Variants in VKORC1L1 observed in about 807,000 individuals in gnomAD.
VKORC1L1 encodes the protein vitamin K epoxide reductase complex subunit 1-like protein 1.
A neutral mutation model predicts 18.9 loss-of-function variants in VKORC1L1; 2 were observed. The observed-to-expected ratio is 0.11, with a 90% CI of 0.04 to 0.33. The LOEUF is 0.33. Ranked by LOEUF, VKORC1L1 falls within the 10% of genes least tolerant of loss-of-function variation. The probability of loss-of-function intolerance (pLI) is 1.00; values close to 1 mark genes in which losing one functional copy is unlikely to be tolerated. For missense variants in VKORC1L1, 123 were observed against 224.1 expected, an observed-to-expected ratio of 0.55 and a Z score of 2.88; for synonymous variants, 96 against 100.0, an observed-to-expected ratio of 0.96 and a Z score of 0.24.
intron 1 of VKORC1L1, among the ~76,000 whole-genome samples, chr7:65,916,097 C>T (rs952913188): frequency 3.4e-5 from 5 of 146,994 alleles, no homozygotes; most frequent in Admixed American, 6.9e-5. Context: ...GGCAGCAGAC[C>T]GTGACTCTGT....
At chr7:65,936,772 G>A (rs897220755) in intron 1 of VKORC1L1, among the ~76,000 whole-genome samples, 2 of 152,044 alleles carry the variant, frequency 1.3e-5, no homozygotes, top group African/African-American at 2.4e-5. Flanking sequence ...CACCCCTTTC[G>A]CTGTTTCTCT....
At chr7:65,910,653 A>T (rs1789487724) in intron 1 of VKORC1L1, among the ~76,000 whole-genome samples, 2 of 152,192 alleles carry the variant, frequency 1.3e-5, no homozygotes, top group Admixed American at 1.3e-4. Context: ...TTGTCAAGGT[A>T]CAATGAAAAG....
the VKORC1L1 span, among the ~76,000 whole-genome samples, chr7:65,868,029 T>A: frequency 6.6e-6 from 1 of 152,206 alleles, no homozygotes; most frequent in East Asian, 1.9e-4. Context: ...GCACTTTTAG[T>A]AGAGATAGGG....
intron 1 of VKORC1L1, 26 bp downstream of exon 1, chr7:65,873,591 G>C: frequency 6.7e-7 from 1 of 1,499,720 alleles, no homozygotes; most frequent in Non-Finnish European, 8.9e-7. Context: ...GAGTGGGCCA[G>C]GAGCGGCCGA....
chr7:65,951,560 C>T (rs746819618), intron 2 of VKORC1L1, among the ~76,000 whole-genome samples: 4 of 149,424 alleles, frequency 2.7e-5, no homozygotes, highest in Non-Finnish European at 5.9e-5. Flanking sequence ...GGTGACAGAG[C>T]GAGACTCCTT....
At chr7:65,917,180 T>C (rs1470710071) in intron 1 of VKORC1L1, among the ~76,000 whole-genome samples, 1 of 152,196 alleles carries the variant, frequency 6.6e-6, no homozygotes, top group Non-Finnish European at 1.5e-5. Flanking sequence ...CTTTTTTCTT[T>C]ATCTTCACAT....
rs533351202 is a variant in VKORC1L1 at position 65,954,774 on chromosome 7, A to T, written c.*474A>T. ...GATTTAAACATGTAGATTCAACTAG[A>T]ATCCATTTGTGATATTTGTAAATAA... is the stretch of plus-strand genomic sequence containing the variant. On this transcript the variant is annotated 3_prime_UTR_variant, in exon 3 of 3. Coordinates refer to ENST00000360768, the MANE Select transcript of VKORC1L1 (RefSeq NM_173517.6). 1 of 164,580 alleles carries T rather than the reference A, an allele frequency of 6.1e-6. No homozygotes were observed. Among genetic ancestry groups the T allele is most frequent in the South Asian group, 1.6e-4 (1 of 6,402 alleles). The allele number at this position is 164,580 out of a possible 1,614,324, so 10.2% of individuals were successfully genotyped here.
upstream of VKORC1L1, among the ~76,000 whole-genome samples, chr7:65,871,876 A>G (rs1788730436): frequency 6.6e-6 from 1 of 152,084 alleles, no homozygotes; most frequent in African/African-American, 2.4e-5. Context: ...ACTGTGAGGG[A>G]AAAAAAAGTT....
chr7:65,891,461 C>T (rs1458910608), intron 1 of VKORC1L1, among the ~76,000 whole-genome samples: 2 of 151,980 alleles, frequency 1.3e-5, no homozygotes, highest in African/African-American at 4.8e-5. Context: ...GTTTTTCGGC[C>T]ATTTGGATAT....
At chr7:65,901,073 G>A (rs955483759) in intron 1 of VKORC1L1, among the ~76,000 whole-genome samples, 4 of 152,160 alleles carry the variant, frequency 2.6e-5, no homozygotes, top group Non-Finnish European at 5.9e-5. Flanking sequence ...AATCAGAAAT[G>A]ATAATCAAAG....
chr7:65,907,817 A>T (rs957637281), intron 1 of VKORC1L1, among the ~76,000 whole-genome samples: 1 of 152,208 alleles, frequency 6.6e-6, no homozygotes, highest in Non-Finnish European at 1.5e-5. Flanking sequence ...GTTATTTCCA[A>T]TGACAGTTTT....
intron 1 of VKORC1L1, among the ~76,000 whole-genome samples, chr7:65,890,637 T>C (rs1333594592): frequency 6.6e-6 from 1 of 152,208 alleles, no homozygotes; most frequent in Admixed American, 6.5e-5. Flanking sequence ...CTATAAACAT[T>C]TTTGCATATC....
intron 1 of VKORC1L1, among the ~76,000 whole-genome samples, chr7:65,925,107 T>C (rs7795242): frequency 0.13 from 19,282 of 152,218 alleles, 1,380 homozygotes; most frequent in Middle Eastern, 0.21. Flanking sequence ...GCATTTCAGA[T>C]CCATCTAGAA....
intron 1 of VKORC1L1, among the ~76,000 whole-genome samples, chr7:65,877,438 C>T (rs1156400924): frequency 1.3e-5 from 2 of 151,900 alleles, no homozygotes; most frequent in East Asian, 1.9e-4. Context: ...ACCTCCACCT[C>T]CCGGGTTCAA....
chr7:65,942,718 G>A (rs924855161), intron 1 of VKORC1L1, among the ~76,000 whole-genome samples: 6 of 151,814 alleles, frequency 4.0e-5, no homozygotes, highest in Non-Finnish European at 7.4e-5. Flanking sequence ...TAGAGACGGG[G>A]TTTCGCCATG....
At chr7:65,897,864 C>A (rs1290941748) in intron 1 of VKORC1L1, among the ~76,000 whole-genome samples, 3 of 152,058 alleles carry the variant, frequency 2.0e-5, no homozygotes, top group Non-Finnish European at 4.4e-5. Flanking sequence ...CACACAATCA[C>A]ACATAAAGAA....
chr7:65,897,963 A>C (rs945726586), intron 1 of VKORC1L1, among the ~76,000 whole-genome samples: 1 of 152,000 alleles, frequency 6.6e-6, no homozygotes, highest in African/African-American at 2.4e-5. Context: ...TAAAAATAGC[A>C]TGAAGGTATT....
chr7:65,953,720 GC>G (rs1790249062), intron 2 of VKORC1L1, among the ~76,000 whole-genome samples: 1 of 152,176 alleles, frequency 6.6e-6, no homozygotes, highest in Non-Finnish European at 1.5e-5. Context: ...CAAAAAATCA[GC>G]CAGGCGTGGT....
intron 1 of VKORC1L1, among the ~76,000 whole-genome samples, chr7:65,918,392 T>G (rs1281864073): frequency 6.6e-6 from 1 of 152,246 alleles, no homozygotes; most frequent in Non-Finnish European, 1.5e-5. Context: ...AGCAAAGGCA[T>G]TCGTATGACC....
Sources: allele counts gnomAD v4.1 joint callset (sites outside exome capture counted in the v4.1 genomes callset), GRCh38; gene constraint gnomAD v4.1.1; transcripts MANE v1.5; gene names NCBI Gene and HGNC (gene_info 2026-07-23, HGNC 2026-07-21).